Variants in DLG2 observed in about 807,000 individuals in gnomAD.
DLG2 encodes the protein disks large homolog 2.
Under a neutral mutation model 132.5 loss-of-function variants are expected in DLG2, and 45 were observed. The observed-to-expected ratio is 0.34, with a 90% CI of 0.27 to 0.44. DLG2 has a LOEUF of 0.44. Among genes scored for constraint, DLG2 ranks in the 20% least tolerant of loss-of-function variants. The pLI, the probability that DLG2 is intolerant of heterozygous loss-of-function variation, is 1.00. For synonymous variants in DLG2, 424 were observed against 419.6 expected (o/e 1.01, Z -0.13); for missense variants, 1,045 against 1,196.9 (o/e 0.87, Z 1.87).
At chr11:84,840,959 G>A (rs2080578361) in intron 6 of DLG2, among the ~76,000 whole-genome samples, 1 of 150,130 alleles carries the variant, frequency 6.7e-6, no homozygotes, top group African/African-American at 2.5e-5. Flanking sequence ...TACGTGTTGT[G>A]CTCATGTACC....
At chr11:83,600,096 G>T (rs1684588255) in intron 19 of DLG2, among the ~76,000 whole-genome samples, 1 of 152,046 alleles carries the variant, frequency 6.6e-6, no homozygotes, top group African/African-American at 2.4e-5. Context: ...GAACATAAAG[G>T]CATGGTCAAC....
chr11:83,855,544 C>T (rs189587007), intron 16 of DLG2, among the ~76,000 whole-genome samples: 2 of 152,180 alleles, frequency 1.3e-5, no homozygotes, highest in Admixed American at 1.3e-4. Flanking sequence ...AACTTAAATG[C>T]ATATAAGCAA....
At chr11:85,340,578 T>C (rs1186970032) in intron 3 of DLG2, among the ~76,000 whole-genome samples, 1 of 152,218 alleles carries the variant, frequency 6.6e-6, no homozygotes, top group Non-Finnish European at 1.5e-5. Context: ...ACATGGCACA[T>C]GTATACCTAC....
At chr11:85,624,951 A>G (rs1320440073) in intron 2 of DLG2, among the ~76,000 whole-genome samples, 1 of 152,230 alleles carries the variant, frequency 6.6e-6, no homozygotes, top group Non-Finnish European at 1.5e-5. Context: ...CCAATGTATC[A>G]GCAATTTCTG....
At chr11:84,693,975 G>A (rs894390757) in intron 6 of DLG2, among the ~76,000 whole-genome samples, 3 of 151,604 alleles carry the variant, frequency 2.0e-5, no homozygotes, top group Non-Finnish European at 3.0e-5. Context: ...CATGATTAAT[G>A]CTTTTGTCAT....
chr11:85,140,038 G>A (rs1321363939), intron 5 of DLG2, among the ~76,000 whole-genome samples: 1 of 151,918 alleles, frequency 6.6e-6, no homozygotes, highest in Non-Finnish European at 1.5e-5. Context: ...TATTATGTGT[G>A]TACCACAGTT....
intron 6 of DLG2, among the ~76,000 whole-genome samples, chr11:85,085,363 G>C (rs76604568): frequency 0.02 from 2,980 of 152,150 alleles, 52 homozygotes; most frequent in Admixed American, 0.041. Context: ...CATGATGCTA[G>C]AAACTGCTCT....
intron 3 of DLG2, among the ~76,000 whole-genome samples, chr11:85,358,989 T>C (rs2083943925): frequency 6.6e-6 from 1 of 152,224 alleles, no homozygotes; most frequent in South Asian, 2.1e-4. Flanking sequence ...ATACTAGATT[T>C]GCCATTTGTT....
chr11:85,293,463 C>G (rs914909482), intron 3 of DLG2, among the ~76,000 whole-genome samples: 2 of 152,072 alleles, frequency 1.3e-5, no homozygotes, highest in African/African-American at 4.8e-5. Context: ...CACGGGGAGC[C>G]TCCTGTTATC....
intron 7 of DLG2, among the ~76,000 whole-genome samples, chr11:84,478,807 G>T (rs760424219): frequency 1.3e-4 from 19 of 151,976 alleles, no homozygotes; most frequent in Admixed American, 6.6e-4. Flanking sequence ...AAAAATCTAG[G>T]CTTAAGCTGA....
At chr11:85,560,622 T>C (rs1178197443) in intron 3 of DLG2, among the ~76,000 whole-genome samples, 3 of 151,862 alleles carry the variant, frequency 2.0e-5, no homozygotes, top group African/African-American at 2.4e-5. Flanking sequence ...TAAAACCAGA[T>C]TGTGGTGATA....
chr11:85,340,656 A>AT (rs1243678874), intron 3 of DLG2, among the ~76,000 whole-genome samples: 5 of 152,126 alleles, frequency 3.3e-5, no homozygotes, highest in Non-Finnish European at 7.4e-5. Context: ...AAAAGGTAAA[A>AT]TTTTTTTAAA....
At chr11:83,899,854 T>C (rs576381720) in intron 15 of DLG2, among the ~76,000 whole-genome samples, 3 of 152,266 alleles carry the variant, frequency 2.0e-5, no homozygotes, top group African/African-American at 7.2e-5. Flanking sequence ...TGGAACTTGG[T>C]AATAGGCAGA....
intron 4 of DLG2, among the ~76,000 whole-genome samples, chr11:85,239,912 T>C (rs1167638423): frequency 6.6e-6 from 1 of 151,970 alleles, no homozygotes; most frequent in Non-Finnish European, 1.5e-5. Flanking sequence ...CTAGGGTATA[T>C]ACCTAGGACT....
chr11:85,267,545 T>C (rs780294798), intron 4 of DLG2, among the ~76,000 whole-genome samples: 3 of 152,180 alleles, frequency 2.0e-5, no homozygotes, highest in Non-Finnish European at 2.9e-5. Flanking sequence ...AGTTAGTTTA[T>C]GTAGAATTGA....
chr11:85,270,148 T>C (rs528599073), intron 4 of DLG2, among the ~76,000 whole-genome samples: 8 of 152,304 alleles, frequency 5.3e-5, no homozygotes, highest in African/African-American at 1.2e-4. Flanking sequence ...TCATCTTGAA[T>C]TGTAACTCCC....
rs533334743 is a variant in DLG2 at position 84,951,555 on chromosome 11, A to G, written c.357+160106T>C. Among the ~76,000 whole-genome samples the G allele has an allele frequency of 7.9e-5, 12 of 151,562 alleles. No homozygotes were observed. In the South Asian group the frequency reaches 1.7e-3, roughly 21 times the overall value. ...GACGAGCATTAAAATTTTAACTACAATAAGTCCTCATATGTACATGGCTTT... is the reference window on the plus strand; with the variant it reads ...GACGAGCATTAAAATTTTAACTACAGTAAGTCCTCATATGTACATGGCTTT... On this transcript the variant is annotated intron_variant, in intron 6 of 27. Coordinates refer to ENST00000376104, the MANE Select transcript of DLG2 (RefSeq NM_001142699.3).
intron 19 of DLG2, among the ~76,000 whole-genome samples, chr11:83,596,193 C>T (rs867395527): frequency 1.3e-5 from 2 of 152,146 alleles, no homozygotes; most frequent in South Asian, 2.1e-4. Context: ...AAGTTGGCTT[C>T]AATGATCTGA....
At chr11:84,599,843 G>A (rs1209630380) in intron 6 of DLG2, among the ~76,000 whole-genome samples, 1 of 151,884 alleles carries the variant, frequency 6.6e-6, no homozygotes, top group African/African-American at 2.4e-5. Context: ...ATCAGCCAGG[G>A]TAACATGGCA....
Sources: allele counts gnomAD v4.1 joint callset (sites outside exome capture counted in the v4.1 genomes callset), GRCh38; gene constraint gnomAD v4.1.1; transcripts MANE v1.5; gene names NCBI Gene and HGNC (gene_info 2026-07-23, HGNC 2026-07-21).